SLC15A1: variants seen among roughly 807,000 people sequenced by gnomAD.
SLC15A1 encodes the protein solute carrier family 15 member 1.
SLC15A1 carries 83 observed loss-of-function variants against 92.9 expected under a neutral mutation model. That is an observed-to-expected ratio of 0.89 (90% CI 0.75 to 1.07). The LOEUF (loss-of-function observed/expected upper bound fraction) is 1.07, where lower values mean the gene tolerates loss of function less well. SLC15A1 is among the 50% of genes least tolerant of loss of function. The probability of loss-of-function intolerance (pLI) is 0.00; values close to 1 mark genes in which losing one functional copy is unlikely to be tolerated. For missense variants in SLC15A1, 857 were observed against 880.1 expected (o/e 0.97, Z 0.33); for synonymous variants, 322 against 318.2 (o/e 1.01, Z -0.13).
rs1312139939 is a variant in SLC15A1 at position 98,709,580 on chromosome 13, G to T, written c.1059C>A (p.Phe353Leu). 1.2e-6 allele frequency: 2 copies of T among 1,614,140 alleles called. No homozygotes were observed. The highest frequency in any genetic ancestry group is 2.2e-5 in the South Asian group (2 of 91,066). ...ACCCACCCGTCACCTACGTGAAATT[G>T]AAGCCACATTTTGCAATGAGAGGGT... Reference protein sequence around the residue: ...VLYPLIAKCGFNFTSLKKMAV... With the variant: ...VLYPLIAKCGLNFTSLKKMAV... Residue 353 changes from phenylalanine (F) to leucine (L), a missense_variant, in exon 14 of 23, where the codon TTC becomes TTA. By Grantham distance (22) the Phe-to-Leu change is conservative. Transcript: ENST00000376503.
chr13:98,749,216 G>A (rs115162946), intron 1 of SLC15A1, among the ~76,000 whole-genome samples: 2,791 of 152,280 alleles, frequency 0.018, 94 homozygotes, highest in African/African-American at 0.063. Flanking sequence ...GACGCACCAG[G>A]TGTGAGGGAC....
At chr13:98,750,105 C>A (rs1594015118) in intron 1 of SLC15A1, among the ~76,000 whole-genome samples, 1 of 151,986 alleles carries the variant, frequency 6.6e-6, no homozygotes, top group Non-Finnish European at 1.5e-5. Context: ...CATTGCCACA[C>A]CCAAAGCAAC....
At position 98,698,559 on chromosome 13, in the gene SLC15A1, G is replaced by A. The variant is rs554769994; in HGVS notation, c.1466+3921C>T. ...AATGTTCAAGCATTTCTTCTGCCTC[G>A]GCCTCCCGAGTAGCTGGGATTACAG... is the stretch of plus-strand genomic sequence containing the variant. On this transcript the variant is annotated intron_variant, in intron 18 of 22. Coordinates refer to ENST00000376503, the MANE Select transcript of SLC15A1 (RefSeq NM_005073.4). 1.3e-4 allele frequency among the ~76,000 whole-genome samples: 20 copies of A among 152,074 alleles called. No individual in the cohort carries two copies. The South Asian group carries it at 2.7e-3, about 21-fold the overall frequency.
chr13:98,703,558 T>A (rs1159916305), intron 17 of SLC15A1, among the ~76,000 whole-genome samples: 2 of 57,766 alleles, frequency 3.5e-5, no homozygotes. Context: ...TTTTTTTTTT[T>A]TTTTTTTTTT....
At chr13:98,701,511 T>A (rs2088066717) in intron 18 of SLC15A1, among the ~76,000 whole-genome samples, 5 of 151,504 alleles carry the variant, frequency 3.3e-5, no homozygotes, top group Admixed American at 3.3e-4. Context: ...ATATATTGAT[T>A]TATTTTGAGA....
chr13:98,717,053 G>A (rs2088216445), intron 8 of SLC15A1, among the ~76,000 whole-genome samples: 1 of 152,096 alleles, frequency 6.6e-6, no homozygotes, highest in Admixed American at 6.6e-5. Flanking sequence ...AAAATTTAAA[G>A]CATTGTTGCA....
rs943272992 is a variant in SLC15A1, at chr13:98,708,851, C to T, written c.1068-84G>A. ...ACCCCCACCCCCACCATCCCCCCAA[C>T]AAAACTAAATTCCTTCCAAAAACAT... On this transcript the variant is annotated intron_variant, in intron 14 of 22. Coordinates refer to ENST00000376503, the MANE Select transcript of SLC15A1 (RefSeq NM_005073.4). 6.3e-6 allele frequency: 6 copies of T among 947,092 alleles called. No individual in the cohort carries two copies. In the Admixed American group the frequency reaches 1.6e-4, roughly 26 times the overall value. 58.7% of individuals were successfully genotyped at this position (947,092 alleles called of 1,614,324 possible).
rs766258246 is a variant in SLC15A1 at position 98,687,564 on chromosome 13, T to C, written c.1827+17A>G. ...AGGGGTATTGCAGATGGGTGGTAAATACAACAAACAAGAAACCTGAGAATA... is the reference window on the plus strand; with the variant it reads ...AGGGGTATTGCAGATGGGTGGTAAACACAACAAACAAGAAACCTGAGAATA... On this transcript the variant is annotated intron_variant, in intron 21 of 22. Coordinates refer to ENST00000376503, the MANE Select transcript of SLC15A1 (RefSeq NM_005073.4). The C allele has an allele frequency of 3.1e-6, 5 of 1,613,176 alleles. No individual in the cohort carries two copies. Among genetic ancestry groups the C allele is most frequent in the South Asian group, 1.1e-5 (1 of 90,874 alleles).
chr13:98,752,362 A>G (rs1020987189), intron 1 of SLC15A1, among the ~76,000 whole-genome samples: 1 of 151,834 alleles, frequency 6.6e-6, no homozygotes, highest in African/African-American at 2.4e-5. Context: ...CAGGATCGCA[A>G]CCTCGGCGGA....
At chr13:98,732,447 T>C (rs1385232265) in intron 1 of SLC15A1, among the ~76,000 whole-genome samples, 2 of 152,110 alleles carry the variant, frequency 1.3e-5, no homozygotes, top group Non-Finnish European at 2.9e-5. Context: ...ATTTATATGA[T>C]TACTGACTTG....
intron 18 of SLC15A1, among the ~76,000 whole-genome samples, chr13:98,692,802 G>A (rs146336047): frequency 2.2e-4 from 34 of 152,268 alleles, no homozygotes; most frequent in African/African-American, 7.5e-4. Context: ...CTGCAGTGCA[G>A]TGGCACCAAC....
rs1316627642 is a variant in SLC15A1 at position 98,688,361 on chromosome 13, C to A, written c.1575-5G>T. On this transcript the variant is annotated splice_region_variant and splice_polypyrimidine_tract_variant and intron_variant, in intron 19 of 22. Coordinates refer to ENST00000376503, the MANE Select transcript of SLC15A1 (RefSeq NM_005073.4). ...GAGCTTATTGTGAAGCCTTTTCTAT[C>A]AAAATAAAGAATAATATTGGTTAAC... The A allele has an allele frequency of 6.2e-7, 1 of 1,611,424 alleles. No individual in the cohort carries two copies. Among genetic ancestry groups the A allele is most frequent in the Non-Finnish European group, 8.5e-7 (1 of 1,178,754 alleles).
At chr13:98,704,189 T>C (rs773185436) in intron 17 of SLC15A1, 100 bp downstream of exon 17, 7 of 1,094,568 alleles carry the variant, frequency 6.4e-6, no homozygotes, top group Non-Finnish European at 8.9e-6. Context: ...GATGATCTAA[T>C]ATAACACTAT....
intron 18 of SLC15A1, among the ~76,000 whole-genome samples, chr13:98,699,354 G>A (rs983651466): frequency 1.2e-4 from 18 of 152,088 alleles, no homozygotes; most frequent in African/African-American, 3.6e-4. Flanking sequence ...TCCAGCCCAG[G>A]GTGGGACCAG....
chr13:98,688,158 G>A (rs1282595388), intron 20 of SLC15A1, 90 bp downstream of exon 20: 1 of 864,122 alleles, frequency 1.2e-6, no homozygotes, highest in Admixed American at 2.4e-5. Flanking sequence ...TATCACTCTA[G>A]TTAAATCATA....
chr13:98,699,695 T>A (rs963578687), intron 18 of SLC15A1, among the ~76,000 whole-genome samples: 1 of 152,114 alleles, frequency 6.6e-6, no homozygotes, highest in African/African-American at 2.4e-5. Context: ...GCCAAACTGT[T>A]TTTCAGAGGG....
At chr13:98,740,301 T>C (rs2088433979) in intron 1 of SLC15A1, among the ~76,000 whole-genome samples, 1 of 152,162 alleles carries the variant, frequency 6.6e-6, no homozygotes, top group Non-Finnish European at 1.5e-5. Context: ...CCCGCTGTGC[T>C]CCGCACTCCA....
chr13:98,695,141 T>C (rs796398475), intron 18 of SLC15A1, among the ~76,000 whole-genome samples: 7 of 152,318 alleles, frequency 4.6e-5, no homozygotes, highest in African/African-American at 1.7e-4. Flanking sequence ...CTCACTTTCC[T>C]ATTTAGTGTA....
intron 1 of SLC15A1, among the ~76,000 whole-genome samples, chr13:98,746,680 A>T (rs750552338): frequency 1.3e-5 from 2 of 152,192 alleles, no homozygotes; most frequent in Non-Finnish European, 2.9e-5. Flanking sequence ...CTTCTTATGG[A>T]AGTACATTTT....
Sources: gnomAD v4.1 joint callset for allele counts (sites outside exome capture counted in the v4.1 genomes callset) on GRCh38, gnomAD v4.1.1 for gene constraint, MANE v1.5 for transcripts, NCBI Gene and HGNC (gene_info 2026-07-23, HGNC 2026-07-21) for gene names.